The following MARCHF8 variants were observed in gnomAD, a reference collection of about 807,000 sequenced individuals.
MARCHF8 encodes the protein membrane associated ring-CH-type finger 8.
In MARCHF8, 40 loss-of-function variants were observed where a neutral mutation model predicts 51.6. The observed-to-expected ratio is 0.77, with a 90% CI of 0.60 to 1.01. The LOEUF is 1.01. Ranked by LOEUF, MARCHF8 falls within the 50% of genes least tolerant of loss-of-function variation. The probability of loss-of-function intolerance (pLI) is 0.00; values close to 1 mark genes in which losing one functional copy is unlikely to be tolerated. For synonymous variants in MARCHF8, 263 were observed against 280.3 expected (o/e 0.94, Z 0.62); for missense variants, 685 against 708.6 (o/e 0.97, Z 0.38).
intron 1 of MARCHF8, among the ~76,000 whole-genome samples, chr10:45,559,864 C>T (rs956757172): frequency 2.0e-5 from 3 of 152,028 alleles, no homozygotes; most frequent in Non-Finnish European, 4.4e-5. Flanking sequence ...ATTTTTATAT[C>T]CTTTGTGGCT....
chr10:45,519,119 T>C (rs570194215), intron 2 of MARCHF8, among the ~76,000 whole-genome samples: 12 of 152,306 alleles, frequency 7.9e-5, no homozygotes, highest in African/African-American at 2.9e-4. Context: ...ATATAAAATA[T>C]GTGAGTAAAA....
At chr10:45,519,245 C>G (rs887471253) in intron 2 of MARCHF8, among the ~76,000 whole-genome samples, 9 of 152,222 alleles carry the variant, frequency 5.9e-5, no homozygotes, top group Non-Finnish European at 1.2e-4. Context: ...GGAGTTCCTA[C>G]TCTATTACAT....
intron 1 of MARCHF8, among the ~76,000 whole-genome samples, chr10:45,581,941 C>CAAA (rs78688601): frequency 6.5e-5 from 6 of 92,292 alleles, no homozygotes; most frequent in Admixed American, 3.3e-4. Flanking sequence ...GCACTTCAAC[C>CAAA]AAAAAAAAAA....
At chr10:45,465,765 C>T (rs879185696) in intron 3 of MARCHF8, among the ~76,000 whole-genome samples, 1 of 152,208 alleles carries the variant, frequency 6.6e-6, no homozygotes, top group Non-Finnish European at 1.5e-5. Context: ...CACGCTGTGC[C>T]ACTCCATGAG....
chr10:45,468,417 A>C (rs1843042554), intron 3 of MARCHF8, among the ~76,000 whole-genome samples: 1 of 151,978 alleles, frequency 6.6e-6, no homozygotes, highest in Non-Finnish European at 1.5e-5. Flanking sequence ...CTCCTCTATT[A>C]CCCACGCCCC....
Position 45,461,309 on chromosome 10 carries a change from G to A in MARCHF8, c.1191C>T (p.Ile397=). 6 of 1,607,100 alleles carry A rather than the reference G, an allele frequency of 3.7e-6. No homozygotes were observed. The highest frequency in any genetic ancestry group is 5.1e-6 in the Non-Finnish European group (6 of 1,177,140). ...FVHQACLQQW[I]KSSDTRCCEL... is the part of the protein sequence containing the mutation. ...CGCAGCAGCGCGTGTCGGAGCTCTT[G>A]ATCCACTGCTGCAGGCAGGCCTGGT... Residue 397 remains isoleucine (I), a synonymous_variant, in exon 6 of 8, where the codon ATC becomes ATT. Coordinates refer to ENST00000453424, the MANE Select transcript of MARCHF8 (RefSeq NM_001282866.2).
At chr10:45,559,780 T>C (rs2044289231) in intron 1 of MARCHF8, among the ~76,000 whole-genome samples, 1 of 152,212 alleles carries the variant, frequency 6.6e-6, no homozygotes, top group Non-Finnish European at 1.5e-5. Flanking sequence ...CAAGTATGAA[T>C]GGCATAAAAA....
intron 1 of MARCHF8, among the ~76,000 whole-genome samples, chr10:45,560,462 G>A (rs986163834): frequency 4.6e-5 from 7 of 152,270 alleles, no homozygotes; most frequent in Admixed American, 6.5e-5. Context: ...TGCTCACTCC[G>A]GGGAGGGCGA....
intron 3 of MARCHF8, among the ~76,000 whole-genome samples, chr10:45,470,142 C>T (rs985243024): frequency 1.5e-4 from 23 of 152,280 alleles, no homozygotes; most frequent in African/African-American, 5.5e-4. Flanking sequence ...GTAAACAAAA[C>T]TTAGTGGCTT....
upstream of MARCHF8, among the ~76,000 whole-genome samples, chr10:45,538,552 G>A (rs145617304): frequency 2.0e-5 from 3 of 152,320 alleles, no homozygotes; most frequent in East Asian, 5.8e-4. Flanking sequence ...ACCCATTACT[G>A]TGCTGTATTC....
chr10:45,563,471 T>C (rs1238988845), intron 1 of MARCHF8, among the ~76,000 whole-genome samples: 3 of 152,228 alleles, frequency 2.0e-5, no homozygotes, highest in African/African-American at 7.2e-5. Context: ...AATTAAGATA[T>C]TGATAAGGTT....
intron 3 of MARCHF8, among the ~76,000 whole-genome samples, chr10:45,470,091 A>T (rs1035636513): frequency 2.0e-5 from 3 of 152,198 alleles, no homozygotes; most frequent in Admixed American, 2.0e-4. Flanking sequence ...TTTCCTCTAC[A>T]TGGAAAGCAT....
chr10:45,518,895 C>A (rs1455057480), intron 2 of MARCHF8, among the ~76,000 whole-genome samples: 1 of 152,184 alleles, frequency 6.6e-6, no homozygotes, highest in African/African-American at 2.4e-5. Flanking sequence ...ATACACTAAT[C>A]AAAATGGCTT....
At chr10:45,486,804 CTTTTTTTTTT>C (rs34757159) in intron 3 of MARCHF8, among the ~76,000 whole-genome samples, 1 of 94,580 alleles carries the variant, frequency 1.1e-5, no homozygotes, top group Non-Finnish European at 2.0e-5. Context: ...TATTACCCTA[CTTTTTTTTTT>C]TTTTTTTTTT....
At chr10:45,484,235 G>GATAT (rs1446958811) in intron 3 of MARCHF8, among the ~76,000 whole-genome samples, 1 of 152,172 alleles carries the variant, frequency 6.6e-6, no homozygotes, top group Non-Finnish European at 1.5e-5. Context: ...ACTACACAAT[G>GATAT]ATATAAAACT....
chr10:45,506,841 A>AT (rs2043394951), intron 2 of MARCHF8, among the ~76,000 whole-genome samples: 1 of 152,156 alleles, frequency 6.6e-6, no homozygotes, highest in East Asian at 1.9e-4. Context: ...TTCTTTTGTG[A>AT]TTCTTCAGTT....
intron 2 of MARCHF8, 28 bp from the exon 3 acceptor site, chr10:45,489,445 T>G (rs769629178): frequency 6.3e-7 from 1 of 1,578,742 alleles, no homozygotes; most frequent in East Asian, 2.2e-5. Flanking sequence ...AGGTTTTAAT[T>G]ATCAATCTTT....
intron 1 of MARCHF8, among the ~76,000 whole-genome samples, chr10:45,580,416 G>T (rs1405268668): frequency 6.6e-6 from 1 of 152,092 alleles, no homozygotes; most frequent in African/African-American, 2.4e-5. Context: ...CAGTTTATGA[G>T]ATCTCACCCC....
chr10:45,482,315 C>T (rs1293231868), intron 3 of MARCHF8, among the ~76,000 whole-genome samples: 1 of 152,088 alleles, frequency 6.6e-6, no homozygotes, highest in Non-Finnish European at 1.5e-5. Flanking sequence ...AAAAAACAAT[C>T]CTAAAACCAT....
Sources: allele counts gnomAD v4.1 joint callset (sites outside exome capture counted in the v4.1 genomes callset), GRCh38; gene constraint gnomAD v4.1.1; transcripts MANE v1.5; gene names NCBI Gene and HGNC (gene_info 2026-07-23, HGNC 2026-07-21).